Variants in NSMCE2 observed in about 807,000 individuals in gnomAD.
The protein encoded by NSMCE2 is E3 SUMO-protein ligase NSE2.
Under a neutral mutation model 23.8 loss-of-function variants are expected in NSMCE2, and 24 were observed. That is an observed-to-expected ratio of 1.01 (90% CI 0.73 to 1.42). NSMCE2 has a LOEUF of 1.42. NSMCE2 is among the 40% of genes most tolerant of loss of function. The pLI, the probability that NSMCE2 is intolerant of heterozygous loss-of-function variation, is 0.00. For missense variants in NSMCE2, 284 were observed against 296.5 expected (o/e 0.96, Z 0.31); for synonymous variants, 92 against 94.1 (o/e 0.98, Z 0.13).
At chr8:125,332,950 T>A (rs1379967728) in intron 5 of NSMCE2, among the ~76,000 whole-genome samples, 1 of 152,190 alleles carries the variant, frequency 6.6e-6, no homozygotes, top group African/African-American at 2.4e-5. Context: ...GAGAGAGGGA[T>A]AAGATGATCT....
At chr8:125,146,688 T>C (rs1176798836) in intron 3 of NSMCE2, among the ~76,000 whole-genome samples, 1 of 152,026 alleles carries the variant, frequency 6.6e-6, no homozygotes, top group East Asian at 1.9e-4. Flanking sequence ...TAGGTGGGAA[T>C]TGAACAATGA....
At chr8:125,196,429 C>T (rs112480337) in intron 5 of NSMCE2, among the ~76,000 whole-genome samples, 130 of 152,190 alleles carry the variant, frequency 8.5e-4, no homozygotes, top group African/African-American at 3.1e-3. Context: ...GCTCAATTTC[C>T]ACCTGTGGGT....
chr8:125,200,847 T>C (rs13264500), intron 5 of NSMCE2, among the ~76,000 whole-genome samples: 10,911 of 152,248 alleles, frequency 0.072, 491 homozygotes, highest in South Asian at 0.16. Context: ...CATAGTCCCA[T>C]ATTTCTTGGA....
intron 5 of NSMCE2, among the ~76,000 whole-genome samples, chr8:125,239,531 C>T (rs573741399): frequency 3.3e-5 from 5 of 150,586 alleles, no homozygotes; most frequent in African/African-American, 9.8e-5. Context: ...ATTGCTTTAA[C>T]CCGGGAGGCA....
At chr8:125,334,143 C>T (rs1238838302) in intron 5 of NSMCE2, among the ~76,000 whole-genome samples, 1 of 152,112 alleles carries the variant, frequency 6.6e-6, no homozygotes, top group Admixed American at 6.5e-5. Context: ...GTGTTCAGTT[C>T]ACTTTGTCCT....
intron 5 of NSMCE2, among the ~76,000 whole-genome samples, chr8:125,270,058 T>C (rs1308417451): frequency 1.3e-5 from 2 of 152,040 alleles, no homozygotes; most frequent in Non-Finnish European, 2.9e-5. Flanking sequence ...GCAATAAGCA[T>C]AAGGAGCTAT....
chr8:125,098,562 T>G (rs1402300519), intron 1 of NSMCE2, among the ~76,000 whole-genome samples: 2 of 152,074 alleles, frequency 1.3e-5, no homozygotes, highest in Non-Finnish European at 2.9e-5. Flanking sequence ...TTGGAGTAAT[T>G]CAGGCAAGAG....
chr8:125,204,298 T>C (rs1409914138), intron 5 of NSMCE2, among the ~76,000 whole-genome samples: 1 of 152,224 alleles, frequency 6.6e-6, no homozygotes, highest in Non-Finnish European at 1.5e-5. Context: ...GGCTGCCTGT[T>C]TGTTGGAGGT....
intron 5 of NSMCE2, among the ~76,000 whole-genome samples, chr8:125,199,425 AT>A (rs1823768253): frequency 6.6e-6 from 1 of 152,170 alleles, no homozygotes; most frequent in East Asian, 1.9e-4. Flanking sequence ...TTCTGCCTTC[AT>A]TTCGTTATTT....
chr8:125,093,901 G>T (rs1322484470), intron 1 of NSMCE2, among the ~76,000 whole-genome samples: 2 of 152,064 alleles, frequency 1.3e-5, no homozygotes, highest in Non-Finnish European at 2.9e-5. Context: ...GACCCAAGGA[G>T]TCCTCCCACC....
At chr8:125,282,770 C>T (rs1827744015) in intron 5 of NSMCE2, among the ~76,000 whole-genome samples, 1 of 152,244 alleles carries the variant, frequency 6.6e-6, no homozygotes, top group Non-Finnish European at 1.5e-5. Flanking sequence ...TATCTGTTGA[C>T]TGTGCAAGAG....
In NSMCE2 at chr8:125,193,713, G is replaced by C. The variant is rs111572273; in HGVS notation, c.418+11457G>C. ...TAAGTGTTGTAAAACAAAACAAAAAGCGTATTTCTTCTTCTAAGATTTCAG... is the reference window on the plus strand; with the variant it reads ...TAAGTGTTGTAAAACAAAACAAAAACCGTATTTCTTCTTCTAAGATTTCAG... On this transcript the variant is annotated intron_variant, in intron 5 of 7. Transcript: ENST00000287437. Among the ~76,000 whole-genome samples the C allele has an allele frequency of 1.6e-3, 238 of 152,260 alleles. 1 individual carries two copies. The highest frequency in any genetic ancestry group is 5.4e-3 in the African/African-American group (225 of 41,544).
chr8:125,255,105 T>TG (rs1826350638), intron 5 of NSMCE2, among the ~76,000 whole-genome samples: 1 of 152,044 alleles, frequency 6.6e-6, no homozygotes, highest in African/African-American at 2.4e-5. Context: ...CATGCTGTGA[T>TG]GAAGCCTAAA....
At chr8:125,129,613 G>T (rs2130552081) in intron 3 of NSMCE2, among the ~76,000 whole-genome samples, 1 of 151,386 alleles carries the variant, frequency 6.6e-6, no homozygotes, top group Non-Finnish European at 1.5e-5. Context: ...AATACTGAGA[G>T]CAAATTGCTG....
At chr8:125,280,555 A>AT (rs575037917) in intron 5 of NSMCE2, among the ~76,000 whole-genome samples, 1 of 152,254 alleles carries the variant, frequency 6.6e-6, no homozygotes, top group Non-Finnish European at 1.5e-5. Context: ...GAAAAACTAC[A>AT]TATTCACTAT....
At chr8:125,313,576 C>T (rs1829061034) in intron 5 of NSMCE2, among the ~76,000 whole-genome samples, 2 of 152,200 alleles carry the variant, frequency 1.3e-5, no homozygotes, top group Admixed American at 6.5e-5. Flanking sequence ...GCCAGCTTAG[C>T]TCTTTTGTTG....
intron 5 of NSMCE2, among the ~76,000 whole-genome samples, chr8:125,186,487 C>T (rs1228282061): frequency 6.6e-6 from 1 of 152,066 alleles, no homozygotes; most frequent in East Asian, 1.9e-4. Flanking sequence ...TGAATTACTA[C>T]AGTTGAGGCT....
intron 3 of NSMCE2, among the ~76,000 whole-genome samples, chr8:125,137,686 C>T (rs890262485): frequency 2.6e-5 from 4 of 152,108 alleles, no homozygotes; most frequent in Non-Finnish European, 4.4e-5. Context: ...AATGTTTATG[C>T]CCAAAGGGTG....
At chr8:125,187,876 A>G (rs1563706605) in intron 5 of NSMCE2, among the ~76,000 whole-genome samples, 2 of 152,204 alleles carry the variant, frequency 1.3e-5, no homozygotes, top group Admixed American at 1.3e-4. Context: ...AGAACGTATC[A>G]TATTATCTTT....
Sources: allele counts gnomAD v4.1 joint callset (sites outside exome capture counted in the v4.1 genomes callset), GRCh38; gene constraint gnomAD v4.1.1; transcripts MANE v1.5; gene names NCBI Gene and HGNC (gene_info 2026-07-23, HGNC 2026-07-21).